Variants in IGLL1 observed in about 807,000 individuals in gnomAD.
IGLL1 encodes immunoglobulin lambda-like polypeptide 1.
Under a neutral mutation model 10.5 loss-of-function variants are expected in IGLL1, and 10 were observed. That is an observed-to-expected ratio of 0.95 (90% CI 0.59 to 1.62). The LOEUF (loss-of-function observed/expected upper bound fraction) is 1.62, where lower values mean the gene tolerates loss of function less well. Ranked by LOEUF, IGLL1 falls within the 40% of genes most tolerant of loss-of-function variation. IGLL1 has a pLI of 0.00. For missense variants in IGLL1, 284 were observed against 278.7 expected (o/e 1.02, Z -0.14); for synonymous variants, 141 against 122.7 (o/e 1.15, Z -0.99).
intron 1 of IGLL1, among the ~76,000 whole-genome samples, chr22:23,577,178 G>C (rs1314070420): frequency 6.6e-6 from 1 of 152,154 alleles, no homozygotes; most frequent in South Asian, 2.1e-4. Flanking sequence ...TTAGGAGGCC[G>C]AGGCGGGTGG....
At chr22:23,574,791 G>A (rs1924973086) in intron 2 of IGLL1, among the ~76,000 whole-genome samples, 176 bp downstream of exon 2, 1 of 152,098 alleles carries the variant, frequency 6.6e-6, no homozygotes, top group South Asian at 2.1e-4. Context: ...CTCCCACTGT[G>A]GGGGCCCTTC....
intron 1 of IGLL1, among the ~76,000 whole-genome samples, chr22:23,578,992 A>G (rs1362655793): frequency 6.6e-6 from 1 of 151,930 alleles, no homozygotes. Flanking sequence ...AAAGAGAGAA[A>G]AAGGGAAACT....
chr22:23,576,230 C>G (rs1222567103), intron 1 of IGLL1, among the ~76,000 whole-genome samples: 1 of 151,940 alleles, frequency 6.6e-6, no homozygotes, highest in Admixed American at 6.6e-5. Flanking sequence ...ACTCAGTCAC[C>G]TCGCCTCCCA....
intron 2 of IGLL1, 118 bp downstream of exon 2, chr22:23,574,849 A>G: frequency 2.6e-6 from 2 of 756,686 alleles, no homozygotes. Context: ...CCCATGGACA[A>G]AGGTAGGGGT....
chr22:23,579,911 C>G, intron 1 of IGLL1, 74 bp downstream of exon 1: 3 of 1,281,136 alleles, frequency 2.3e-6, no homozygotes, highest in Non-Finnish European at 3.2e-6. Context: ...CCCTCTGGCT[C>G]GTCTCCCCTT....
chr22:23,573,955 G>A (rs1365264637), intron 2 of IGLL1, among the ~76,000 whole-genome samples: 2 of 151,072 alleles, frequency 1.3e-5, no homozygotes, highest in African/African-American at 2.5e-5. Context: ...CAGGATGTGG[G>A]GAGACCCAAG....
At position 23,575,062 on chromosome 22, in the gene IGLL1, G is replaced by A. The variant is rs1263558091; in HGVS notation, c.227C>T (p.Ser76Phe). The A allele has an allele frequency of 1.9e-6, 3 of 1,613,910 alleles. No individual in the cohort carries two copies. Among genetic ancestry groups the A allele is most frequent in the Admixed American group, 3.3e-5 (2 of 60,002 alleles). The change falls in exon 2 of 3, where the codon TCC becomes TTC. Residue 76 changes from serine to phenylalanine, a missense_variant. By Grantham distance (155) the Ser-to-Phe change is radical. Transcript: ENST00000330377. The stretch of plus-strand genomic sequence containing the variant: ...GGGCCAGCACCTGGGGCCAGTCCAG[G>A]AGCCGCGCTGGAGCAGGAACCTGCT... ...RWGRFLLQRG[S>F]WTGPRCWPRG...
Position 23,573,182 on chromosome 22 carries a change from T to A in IGLL1, c.*84A>T. ...GTTTACTGGGTACAGGGAGAAGGGC[T>A]GGATGGCTTGGGATGCAGAGAGAGA... On this transcript the variant is annotated 3_prime_UTR_variant, in exon 3 of 3. Transcript: ENST00000330377. 1 of 1,307,552 alleles carries A rather than the reference T, an allele frequency of 7.6e-7. No homozygotes were observed. Among genetic ancestry groups the A allele is most frequent in the African/African-American group, 1.5e-5 (1 of 68,704 alleles). The allele number at this position is 1,307,552 out of a possible 1,614,324, so 81.0% of individuals were successfully genotyped here. A position where few individuals can be genotyped will look rare whatever the true frequency, so the allele number is the denominator to read the frequency against.
chr22:23,577,312 G>A (rs1925106218), intron 1 of IGLL1, among the ~76,000 whole-genome samples: 1 of 152,064 alleles, frequency 6.6e-6, no homozygotes, highest in African/African-American at 2.4e-5. Flanking sequence ...GCTGAGGCAG[G>A]GATATTGCTT....
rs1433003167 is a variant in IGLL1 at position 23,575,076 on chromosome 22, C to T, written c.213G>A (p.Leu71=). 11 of 1,612,842 alleles carry T rather than the reference C, an allele frequency of 6.8e-6. No homozygotes were observed. Among genetic ancestry groups the T allele is most frequent in the Non-Finnish European group, 9.3e-6 (11 of 1,178,974 alleles). Residue 71 remains leucine, a synonymous_variant, in exon 2 of 3, where the codon CTG becomes CTA. Coordinates refer to ENST00000330377, the MANE Select transcript of IGLL1 (RefSeq NM_020070.4). The stretch of plus-strand genomic sequence containing the variant: ...GGCCAGTCCAGGAGCCGCGCTGGAG[C>T]AGGAACCTGCTGGGAGTGAGGGGCA... ...SSLRSRWGRF[L]LQRGSWTGPR...
intron 2 of IGLL1, 47 bp from the exon 3 acceptor site, chr22:23,573,632 G>A: frequency 1.4e-6 from 2 of 1,431,278 alleles, no homozygotes. Context: ...GGAGTGTGGG[G>A]TGTTGTGGAG....
chr22:23,580,032 T>TCCAGGGC lies in IGLL1; in HGVS notation c.152_158dup (p.Ala54ProfsTer41), dbSNP rs1925262225. On this transcript the variant is annotated frameshift_variant, in exon 1 of 3. Coordinates refer to ENST00000330377, the MANE Select transcript of IGLL1 (RefSeq NM_020070.4). LOFTEE classifies it high-confidence loss of function. ...TGGACCGGCTGCTTCCTCCAGGGGC[T>TCCAGGGC]CCAGGGCCCAGGGCCCTGCTCTGCG... The TCCAGGGC allele has an allele frequency of 1.3e-6, 2 of 1,580,930 alleles. No homozygotes were observed. Among genetic ancestry groups the TCCAGGGC allele is most frequent in the South Asian group, 1.1e-5 (1 of 87,048 alleles).
rs757271547 is a variant in IGLL1 at position 23,575,008 on chromosome 22, A to G, written c.281T>C (p.Val94Ala). ...PRGFQSKHNS[V>A]THVFGSGTQL... ...GGTCCCGCTGCCAAACACATGCGTC[A>G]CTGAGTTATGCTTGGATTGAAACCC... Residue 94 changes from valine (V) to alanine (A), a missense_variant, in exon 2 of 3, where the codon GTG becomes GCG. By Grantham distance (64) the Val-to-Ala change is moderately conservative (BLOSUM62 0). Transcript: ENST00000330377. 1.2e-6 allele frequency: 2 copies of G among 1,614,132 alleles called. No homozygotes were observed. The highest frequency in any genetic ancestry group is 1.7e-5 in the Admixed American group (1 of 60,016).
Position 23,575,091 on chromosome 22 carries a change from A to T in IGLL1, c.207-9T>A, listed in dbSNP as rs201800585. The T allele has an allele frequency of 1.5e-3, 2,388 of 1,598,610 alleles. 6 individuals are homozygous for T. Among genetic ancestry groups the T allele is most frequent in the Non-Finnish European group, 1.8e-3 (2,112 of 1,166,430 alleles). ...CGCGCTGGAGCAGGAACCTGCTGGGAGTGAGGGGCACAGGGCTGCAGTGTG... is the reference window on the plus strand; with the variant it reads ...CGCGCTGGAGCAGGAACCTGCTGGGTGTGAGGGGCACAGGGCTGCAGTGTG... On this transcript the variant is annotated splice_polypyrimidine_tract_variant and intron_variant, in intron 1 of 2. Transcript: ENST00000330377.
Position 23,580,166 on chromosome 22 carries a change from C to T in IGLL1, c.25G>A (p.Gly9Ser). The T allele has an allele frequency of 6.5e-7, 1 of 1,544,792 alleles. No homozygotes were observed. MRPGTGQG[G>S]LEAPGEPGPN... ...CCTGGCTCACCAGGGGCCTCAAGGC[C>T]CCCCTGGCCTGTCCCTGGCCTCATC... is the stretch of plus-strand genomic sequence containing the variant. The change falls in exon 1 of 3, where the codon GGC becomes AGC. Residue 9 changes from glycine (G) to serine (S), a missense_variant. Physicochemically the swap from Gly to Ser is moderately conservative, Grantham distance 56. Coordinates refer to ENST00000330377, the MANE Select transcript of IGLL1 (RefSeq NM_020070.4).
intron 1 of IGLL1, among the ~76,000 whole-genome samples, chr22:23,577,064 AT>A (rs1362481152): frequency 1.3e-5 from 2 of 152,212 alleles, no homozygotes; most frequent in Non-Finnish European, 2.9e-5. Context: ...GTTGTAGAAG[AT>A]TTTTGAAATT....
chr22:23,579,936 G>C, intron 1 of IGLL1, 49 bp downstream of exon 1: 3 of 1,490,572 alleles, frequency 2.0e-6, no homozygotes, highest in Non-Finnish European at 2.7e-6. Flanking sequence ...ATCCTTTCCC[G>C]CCTCTGCCAC....
chr22:23,580,060 G>A lies in IGLL1; in HGVS notation c.131C>T (p.Ala44Val). 1 of 1,574,546 alleles carries A rather than the reference G, an allele frequency of 6.4e-7. No homozygotes were observed. Among genetic ancestry groups the A allele is most frequent in the Non-Finnish European group, 8.6e-7 (1 of 1,162,742 alleles). ...VTHGLLRPTA[A>V]SQSRALGPGA... ...AGGGCCCAGGGCCCTGCTCTGCGAT[G>A]CAGCTGTTGGGCGCAGCAGGCCATG... Residue 44 changes from alanine (A) to valine (V), a missense_variant, in exon 1 of 3, where the codon GCA (alanine) becomes GTA (valine). By Grantham distance (64) the Ala-to-Val change is moderately conservative (BLOSUM62 0). Transcript: ENST00000330377.
intron 2 of IGLL1, among the ~76,000 whole-genome samples, chr22:23,574,418 G>A (rs1312855674): frequency 3.3e-5 from 5 of 151,286 alleles, no homozygotes; most frequent in Non-Finnish European, 5.9e-5. Flanking sequence ...GGGAGGGCTG[G>A]GCTCTGGGAC....
Sources: allele counts gnomAD v4.1 joint callset (sites outside exome capture counted in the v4.1 genomes callset), GRCh38; gene constraint gnomAD v4.1.1; transcripts MANE v1.5; gene names NCBI Gene and HGNC (gene_info 2026-07-23, HGNC 2026-07-21).